ZNF385D: variants seen among roughly 807,000 people sequenced by gnomAD.
ZNF385D encodes zinc finger protein 385D, also known as zinc finger protein 659.
In ZNF385D, 15 loss-of-function variants were observed where a neutral mutation model predicts 35.8. The observed-to-expected ratio is 0.42, with a 90% CI of 0.28 to 0.64. ZNF385D has a LOEUF of 0.64. Among genes scored for constraint, ZNF385D ranks in the 30% least tolerant of loss-of-function variants. ZNF385D has a pLI of 0.23. For synonymous variants in ZNF385D, 212 were observed against 186.8 expected, an observed-to-expected ratio of 1.13 and a Z score of -1.10; for missense variants, 474 against 494.6, an observed-to-expected ratio of 0.96 and a Z score of 0.39.
chr3:21,999,608 G>C (rs1695708040), intron 3 of ZNF385D, among the ~76,000 whole-genome samples: 1 of 151,682 alleles, frequency 6.6e-6, no homozygotes, highest in Non-Finnish European at 1.5e-5. Context: ...TTTGAACTTG[G>C]GACTTTAGCT....
At position 21,735,836 on chromosome 3, in the gene ZNF385D, C is replaced by G. The variant is rs117018743; in HGVS notation, c.22+15059G>C. ...TCACAGTCTTTCTTGTAGGATTGGG[C>G]TTTGAGTATTGTTCATACTTTAGCA... On this transcript the variant is annotated intron_variant, in intron 1 of 7. Coordinates refer to ENST00000281523, the MANE Select transcript of ZNF385D (RefSeq NM_024697.3). Among the ~76,000 whole-genome samples the G allele has an allele frequency of 1.6e-4, 24 of 152,290 alleles. No homozygotes were observed. In the East Asian group the frequency reaches 4.6e-3, roughly 29 times the overall value.
intron 3 of ZNF385D, among the ~76,000 whole-genome samples, chr3:21,807,173 T>C (rs933200129): frequency 1.3e-5 from 2 of 152,214 alleles, no homozygotes; most frequent in Non-Finnish European, 2.9e-5. Flanking sequence ...TAAAATTAAG[T>C]TTAATAGTAT....
intron 3 of ZNF385D, among the ~76,000 whole-genome samples, chr3:21,908,161 T>TCTATCTATCTAC (rs1553696875): frequency 6.6e-6 from 1 of 150,402 alleles, no homozygotes; most frequent in Non-Finnish European, 1.5e-5. Context: ...TATCTATCTA[T>TCTATCTATCTAC]CTATCTATCT....
intron 2 of ZNF385D, among the ~76,000 whole-genome samples, chr3:22,184,694 G>T (rs968716174): frequency 6.6e-6 from 1 of 152,184 alleles, no homozygotes; most frequent in African/African-American, 2.4e-5. Context: ...AGGCGTGGTG[G>T]CAGGTACCTA....
chr3:21,884,139 A>T lies in ZNF385D; in HGVS notation c.326-219111T>A, dbSNP rs114489170. On this transcript the variant is annotated intron_variant, in intron 3 of 5. Transcript: ENST00000494108. ...TGTTACCATTTTGCAAGAAATAATTAGGATCACTAAGTTTGGAACCTGAAA... is the reference window on the plus strand; with the variant it reads ...TGTTACCATTTTGCAAGAAATAATTTGGATCACTAAGTTTGGAACCTGAAA... Among the ~76,000 whole-genome samples the T allele has an allele frequency of 3.5e-3, 526 of 152,194 alleles. 3 individuals carry two copies. Among genetic ancestry groups the T allele is most frequent in the African/African-American group, 0.012 (506 of 41,568 alleles).
intron 3 of ZNF385D, chr3:21,878,297 T>C (rs1698087858): frequency 6.6e-6 from 1 of 151,986 alleles, no homozygotes; most frequent in South Asian, 2.1e-4. Flanking sequence ...TGGATTCAAA[T>C]TCTTAATTAC....
intron 3 of ZNF385D, among the ~76,000 whole-genome samples, chr3:22,077,780 T>C (rs1037534051): frequency 6.6e-6 from 1 of 151,904 alleles, no homozygotes; most frequent in African/African-American, 2.4e-5. Context: ...ACAAAAGAAA[T>C]GGGAGAAACA....
At chr3:21,570,418 T>G (rs1267221024) in intron 2 of ZNF385D, among the ~76,000 whole-genome samples, 1 of 152,192 alleles carries the variant, frequency 6.6e-6, no homozygotes, top group Non-Finnish European at 1.5e-5. Flanking sequence ...TCAGAGAGGA[T>G]GAAGCTTAAC....
intron 1 of ZNF385D, among the ~76,000 whole-genome samples, chr3:21,685,793 A>C (rs1298446072): frequency 1.1e-4 from 17 of 152,242 alleles, no homozygotes; most frequent in Admixed American, 1.1e-3. Flanking sequence ...AATTTAGAAA[A>C]TGAAGTGCTG....
intron 2 of ZNF385D, among the ~76,000 whole-genome samples, chr3:22,278,454 C>T (rs1224894843): frequency 6.6e-6 from 1 of 152,092 alleles, no homozygotes; most frequent in Non-Finnish European, 1.5e-5. Context: ...TAATTGTATT[C>T]TGCTCACTCT....
At chr3:21,769,345 C>A (rs2070975754) in intron 3 of ZNF385D, among the ~76,000 whole-genome samples, 1 of 126,492 alleles carries the variant, frequency 7.9e-6, no homozygotes, top group Admixed American at 8.4e-5. Context: ...CCCGTCGTCT[C>A]AGCCCAAAAT....
intron 2 of ZNF385D, among the ~76,000 whole-genome samples, chr3:21,592,080 T>C (rs1467592335): frequency 6.6e-6 from 1 of 152,194 alleles, no homozygotes; most frequent in Non-Finnish European, 1.5e-5. Context: ...ATGTGACATA[T>C]AGGCATGCTG....
In ZNF385D at chr3:22,368,536, T is replaced by A. The variant is rs140826504; in HGVS notation, c.106+3914A>T. 3.6e-3 allele frequency among the ~76,000 whole-genome samples: 553 copies of A among 152,278 alleles called. 2 individuals are homozygous for A. The highest frequency in any genetic ancestry group is 0.013 in the African/African-American group (534 of 41,548). ...ACTAGGTAGCTAAACAACAAACATT[T>A]GTTTATCACAGTTCTGGAGGCTGTG... On this transcript the variant is annotated intron_variant, in intron 2 of 5. Transcript: ENST00000494108.
At chr3:22,330,220 T>G (rs1254326109) in intron 2 of ZNF385D, among the ~76,000 whole-genome samples, 1 of 152,208 alleles carries the variant, frequency 6.6e-6, no homozygotes, top group African/African-American at 2.4e-5. Context: ...CATTTTTAAT[T>G]TTCAAGAGAA....
rs781200945 is a variant in ZNF385D at position 21,424,019 on chromosome 3, G to A, written c.898C>T (p.Pro300Ser). The A allele has an allele frequency of 6.2e-7, 1 of 1,603,950 alleles. No homozygotes were observed. Among genetic ancestry groups the A allele is most frequent in the South Asian group, 1.1e-5 (1 of 89,612 alleles). Residue 300 changes from proline to serine, a missense_variant, in exon 7 of 8, where the codon CCG becomes TCG. By Grantham distance (74) the Pro-to-Ser change is moderately conservative. Transcript: ENST00000281523. ...TTGTAAGGACTGTATTTAGGTTTCGGGGGCTTCCCAGCAGCTCTGTCTTTG... is the reference window on the plus strand; with the variant it reads ...TTGTAAGGACTGTATTTAGGTTTCGAGGGCTTCCCAGCAGCTCTGTCTTTG... ...RHKDRAAGKP[P>S]KPKYSPYNKL...
At chr3:22,256,156 C>A (rs576768705) in intron 2 of ZNF385D, among the ~76,000 whole-genome samples, 1 of 151,096 alleles carries the variant, frequency 6.6e-6, no homozygotes, top group East Asian at 1.9e-4. Context: ...TCTCCTTGTT[C>A]GTCAGCATAT....
intron 3 of ZNF385D, among the ~76,000 whole-genome samples, chr3:22,088,513 A>C (rs796450759): frequency 1.2e-4 from 19 of 152,254 alleles, no homozygotes; most frequent in African/African-American, 4.3e-4. Context: ...CCCAGTTTGC[A>C]ATCATCTGAA....
chr3:21,854,707 G>A (rs900727189), intron 3 of ZNF385D, among the ~76,000 whole-genome samples: 1 of 151,744 alleles, frequency 6.6e-6, no homozygotes, highest in East Asian at 1.9e-4. Flanking sequence ...TCCTGACTAT[G>A]GCTTTTCCAT....
chr3:22,321,185 T>TC (rs1694408614), intron 2 of ZNF385D, among the ~76,000 whole-genome samples: 1 of 142,378 alleles, frequency 7.0e-6, no homozygotes, highest in Non-Finnish European at 1.5e-5. Flanking sequence ...TTTTTTTTTT[T>TC]CATTTTCTGG....
Sources: allele counts gnomAD v4.1 joint callset (sites outside exome capture counted in the v4.1 genomes callset), GRCh38; gene constraint gnomAD v4.1.1; transcripts MANE v1.5; gene names NCBI Gene and HGNC (gene_info 2026-07-23, HGNC 2026-07-21).